The following FSTL4 variants were observed in gnomAD, a reference collection of about 807,000 sequenced individuals.
FSTL4 encodes the protein follistatin-related protein 4.
In FSTL4, 28 loss-of-function variants were observed where a neutral mutation model predicts 78.2. The ratio of observed to expected loss-of-function variants is 0.36; its 90% confidence interval spans 0.27 to 0.49. FSTL4 has a LOEUF of 0.49. FSTL4 is among the 20% of genes least tolerant of loss of function. The pLI is 0.98. For missense variants in FSTL4, 922 were observed against 1,084.9 expected (o/e 0.85, Z 2.11); for synonymous variants, 422 against 440.5 (o/e 0.96, Z 0.53).
At chr5:133,803,859 G>A in the FSTL4 span, among the ~76,000 whole-genome samples, 2 of 152,124 alleles carry the variant, frequency 1.3e-5, no homozygotes, top group African/African-American at 2.4e-5. Context: ...TCCAATTAGA[G>A]TATACCAATG....
chr5:133,581,611 G>A (rs1366454146), intron 2 of FSTL4, among the ~76,000 whole-genome samples: 1 of 152,240 alleles, frequency 6.6e-6, no homozygotes, highest in African/African-American at 2.4e-5. Context: ...TTCCCTTGAG[G>A]AGTAGGTGCT....
At chr5:133,817,196 T>C in the FSTL4 span, among the ~76,000 whole-genome samples, 1 of 152,384 alleles carries the variant, frequency 6.6e-6, no homozygotes, top group Middle Eastern at 3.4e-3. Flanking sequence ...AAGCTGAGTC[T>C]ATTATCGTCC....
chr5:133,513,491 T>C (rs1315016431), intron 3 of FSTL4, among the ~76,000 whole-genome samples: 1 of 152,160 alleles, frequency 6.6e-6, no homozygotes, highest in East Asian at 1.9e-4. Context: ...ATCCATGTGT[T>C]CAGCAGGGCA....
chr5:133,524,666 A>T (rs1759053247), intron 3 of FSTL4, among the ~76,000 whole-genome samples: 1 of 152,144 alleles, frequency 6.6e-6, no homozygotes, highest in South Asian at 2.1e-4. Context: ...GCCCTCCAGA[A>T]ATGCACCCCC....
At chr5:133,565,980 G>A (rs1760018389) in intron 3 of FSTL4, among the ~76,000 whole-genome samples, 1 of 152,116 alleles carries the variant, frequency 6.6e-6, no homozygotes. Flanking sequence ...CTTTCCATAA[G>A]AAACCTCCTT....
At chr5:133,312,556 C>A in intron 6 of FSTL4, 98 bp downstream of exon 6, 1 of 1,137,674 alleles carries the variant, frequency 8.8e-7, no homozygotes. Flanking sequence ...AGAAACCAAC[C>A]TGGGAGACAA....
At chr5:133,235,053 G>A (rs1184088522) in intron 7 of FSTL4, among the ~76,000 whole-genome samples, 1 of 152,092 alleles carries the variant, frequency 6.6e-6, no homozygotes, top group African/African-American at 2.4e-5. Context: ...GTGGCATGAG[G>A]GCTAAAAGCA....
At chr5:133,516,536 T>C (rs997191384) in intron 3 of FSTL4, among the ~76,000 whole-genome samples, 23 of 152,238 alleles carry the variant, frequency 1.5e-4, no homozygotes, top group African/African-American at 4.3e-4. Context: ...TGTCCCTGAA[T>C]AGGAAAATTC....
chr5:133,750,623 G>A, the FSTL4 span, among the ~76,000 whole-genome samples: 3 of 152,124 alleles, frequency 2.0e-5, no homozygotes, highest in African/African-American at 7.2e-5. Context: ...CCTAGAGTGG[G>A]TACGAGAAGC....
intron 3 of FSTL4, among the ~76,000 whole-genome samples, chr5:133,493,246 C>A (rs1758305781): frequency 1.3e-5 from 2 of 152,244 alleles, no homozygotes; most frequent in Admixed American, 1.3e-4. Flanking sequence ...TTATGATCTG[C>A]AATTTTATGT....
chr5:133,837,138 C>A, the FSTL4 span, among the ~76,000 whole-genome samples: 1 of 151,716 alleles, frequency 6.6e-6, no homozygotes. Flanking sequence ...TTTTTTCTGT[C>A]TTTTAAACTG....
At chr5:133,389,842 A>G (rs1269903011) in intron 4 of FSTL4, among the ~76,000 whole-genome samples, 2 of 152,226 alleles carry the variant, frequency 1.3e-5, no homozygotes, top group Non-Finnish European at 2.9e-5. Flanking sequence ...TTATATTTTG[A>G]TGGAAATATG....
the FSTL4 span, among the ~76,000 whole-genome samples, chr5:133,814,703 G>A: frequency 2.0e-5 from 3 of 152,178 alleles, no homozygotes; most frequent in Admixed American, 1.3e-4. Flanking sequence ...TGTTGAGAGC[G>A]GAAGTCTGTC....
At chr5:133,530,789 CCTAA>C (rs1165752221) in intron 3 of FSTL4, among the ~76,000 whole-genome samples, 2 of 152,200 alleles carry the variant, frequency 1.3e-5, no homozygotes, top group Non-Finnish European at 2.9e-5. Flanking sequence ...CCAAGAAACC[CCTAA>C]CTAAGGGCTA....
At chr5:133,793,053 G>A in the FSTL4 span, among the ~76,000 whole-genome samples, 1 of 152,152 alleles carries the variant, frequency 6.6e-6, no homozygotes, top group South Asian at 2.1e-4. Context: ...GCTTTTCTTG[G>A]AGAGGAAGAA....
the FSTL4 span, among the ~76,000 whole-genome samples, chr5:133,660,904 G>C: frequency 6.6e-6 from 1 of 152,242 alleles, no homozygotes; most frequent in African/African-American, 2.4e-5. Flanking sequence ...TTAATGAACA[G>C]ACAGACACTA....
chr5:133,581,023 T>C (rs1760391281), intron 2 of FSTL4, among the ~76,000 whole-genome samples: 1 of 152,156 alleles, frequency 6.6e-6, no homozygotes, highest in South Asian at 2.1e-4. Context: ...GAATAAATCA[T>C]TGGTTTGGGC....
At chr5:133,742,936 G>A in the FSTL4 span, among the ~76,000 whole-genome samples, 1 of 152,130 alleles carries the variant, frequency 6.6e-6, no homozygotes. Flanking sequence ...CCGTCATCCC[G>A]CCGGAAAGTC....
chr5:133,371,373 T>C (rs1485984989), intron 4 of FSTL4, among the ~76,000 whole-genome samples: 2 of 152,232 alleles, frequency 1.3e-5, no homozygotes, highest in Non-Finnish European at 2.9e-5. Flanking sequence ...GTTTATCCCA[T>C]GTAGGTCTCG....
Sources: allele counts gnomAD v4.1 joint callset (sites outside exome capture counted in the v4.1 genomes callset), GRCh38; gene constraint gnomAD v4.1.1; transcripts MANE v1.5; gene names NCBI Gene and HGNC (gene_info 2026-07-23, HGNC 2026-07-21).